SPRED2: variants seen among roughly 807,000 people sequenced by gnomAD.
SPRED2 encodes the protein sprouty-related, EVH1 domain-containing protein 2.
SPRED2 carries 47 observed loss-of-function variants against 43.0 expected under a neutral mutation model. The observed-to-expected ratio is 1.09, with a 90% CI of 0.87 to 1.40. The LOEUF (loss-of-function observed/expected upper bound fraction) is 1.40, where lower values mean the gene tolerates loss of function less well. SPRED2 is among the 40% of genes most tolerant of loss of function. SPRED2 has a pLI of 0.00. For synonymous variants in SPRED2, 225 were observed against 225.7 expected (o/e 1.00, Z 0.03); for missense variants, 561 against 586.4 (o/e 0.96, Z 0.45).
At chr2:65,327,122 C>T (rs1438387180) in intron 4 of SPRED2, among the ~76,000 whole-genome samples, 5 of 152,148 alleles carry the variant, frequency 3.3e-5, no homozygotes, top group African/African-American at 1.2e-4. Flanking sequence ...TCCCGAAGTG[C>T]TGGGATTACA....
intron 4 of SPRED2, among the ~76,000 whole-genome samples, chr2:65,327,935 G>T (rs6714675): frequency 0.58 from 87,966 of 151,088 alleles, 25,839 homozygotes; most frequent in East Asian, 0.84. Flanking sequence ...TGTTGGCCAG[G>T]CTGGTCTTGA....
At chr2:65,322,823 T>C (rs141117955) in intron 4 of SPRED2, among the ~76,000 whole-genome samples, 25 of 152,344 alleles carry the variant, frequency 1.6e-4, no homozygotes, top group African/African-American at 2.6e-4. Flanking sequence ...TTTCACCAGA[T>C]ATTAGATGTT....
chr2:65,361,667 G>T lies in SPRED2; in HGVS notation c.27-16771C>A, dbSNP rs78345662. ...ACAGTTCCATTTCTTCTACATGGGG[G>T]TTAAGCGATGTTTTTTAATATTACT... On this transcript the variant is annotated intron_variant, in intron 1 of 5. Coordinates refer to ENST00000356388, the MANE Select transcript of SPRED2 (RefSeq NM_181784.3). 3.3e-3 allele frequency among the ~76,000 whole-genome samples: 504 copies of T among 152,330 alleles called. 3 individuals carry two copies. Among genetic ancestry groups the T allele is most frequent in the African/African-American group, 0.011 (467 of 41,568 alleles).
chr2:65,366,598 C>T (rs777394082), intron 1 of SPRED2: 21 of 1,553,510 alleles, frequency 1.4e-5, no homozygotes, highest in South Asian at 1.1e-4. Flanking sequence ...ACCTGCCAGG[C>T]GATGCCATTT....
rs11335406 is a variant in SPRED2 at position 65,389,243 on chromosome 2, C to CTTTT, written c.26+42715_26+42718dup. On this transcript the variant is annotated intron_variant, in intron 1 of 5. Transcript: ENST00000356388. ...ACAGCAATACAAAGACATGCTCAACCTTTTTTTTTTTTTTTTTTAAGGGAA... is the reference window on the plus strand; with the variant it reads ...ACAGCAATACAAAGACATGCTCAACCTTTTTTTTTTTTTTTTTTTTTTAAGGGAA... Among the ~76,000 whole-genome samples the CTTTT allele has an allele frequency of 9.8e-4, 137 of 140,188 alleles. 1 individual carries two copies. The highest frequency in any genetic ancestry group is 3.7e-3 in the Middle Eastern group (1 of 270). The allele number at this position is 140,188 out of a possible 152,430, so 92.0% of individuals were successfully genotyped here. A position where few individuals can be genotyped will look rare whatever the true frequency, so the allele number is the denominator to read the frequency against.
chr2:65,324,921 C>A (rs1399873253), intron 4 of SPRED2, among the ~76,000 whole-genome samples: 1 of 152,168 alleles, frequency 6.6e-6, no homozygotes, highest in African/African-American at 2.4e-5. Flanking sequence ...TCCTGCTAAA[C>A]CTTTGCTTTC....
intron 1 of SPRED2, among the ~76,000 whole-genome samples, chr2:65,423,772 C>CTTTTT (rs11306222): frequency 2.1e-5 from 3 of 143,742 alleles, no homozygotes; most frequent in Non-Finnish European, 3.0e-5. Context: ...CTCATTTATG[C>CTTTTT]TTTTTTTTTT....
At chr2:65,340,658 G>A (rs1674149385) in intron 2 of SPRED2, among the ~76,000 whole-genome samples, 1 of 152,142 alleles carries the variant, frequency 6.6e-6, no homozygotes. Context: ...CTGACTACTC[G>A]TGAATGGTTG....
Position 65,432,099 on chromosome 2 carries a change from G to T in SPRED2, c.-112C>A. On this transcript the variant is annotated 5_prime_UTR_variant, in exon 1 of 6. Coordinates refer to ENST00000356388, the MANE Select transcript of SPRED2 (RefSeq NM_181784.3). ...CCGGAGATCGCCTGATTTGGGGAGGGGGGGCGGCTAGAGATGAAGAGGGCG... is the reference window on the plus strand; with the variant it reads ...CCGGAGATCGCCTGATTTGGGGAGGTGGGGCGGCTAGAGATGAAGAGGGCG... 1.4e-6 allele frequency: 2 copies of T among 1,421,986 alleles called. No individual in the cohort carries two copies. The highest frequency in any genetic ancestry group is 2.0e-6 in the Non-Finnish European group (2 of 1,024,188). 88.1% of individuals were successfully genotyped at this position (1,421,986 alleles called of 1,614,324 possible). A position where few individuals can be genotyped will look rare whatever the true frequency, so the allele number is the denominator to read the frequency against.
At chr2:65,342,805 A>G (rs10188563) in intron 2 of SPRED2, among the ~76,000 whole-genome samples, 102,681 of 152,062 alleles carry the variant, frequency 0.68, 35,530 homozygotes, top group African/African-American at 0.83. Context: ...CAAAATAAAT[A>G]AGATACACAA....
chr2:65,356,557 T>G lies in SPRED2; in HGVS notation c.27-11661A>C, dbSNP rs10206301. The stretch of plus-strand genomic sequence containing the variant: ...CCCTCTTTTTTTTTTTTTTTTTTTT[T>G]TGTGTGTGTGTACCTGCTATCTACC... On this transcript the variant is annotated intron_variant, in intron 1 of 5. Coordinates refer to ENST00000356388, the MANE Select transcript of SPRED2 (RefSeq NM_181784.3). 2.9e-3 allele frequency among the ~76,000 whole-genome samples: 356 copies of G among 122,626 alleles called. 1 individual carries two copies. Among genetic ancestry groups the G allele is most frequent in the Middle Eastern group, 4.3e-3 (1 of 230 alleles). 80.4% of individuals were successfully genotyped at this position (122,626 alleles called of 152,430 possible). A position where few individuals can be genotyped will look rare whatever the true frequency, so the allele number is the denominator to read the frequency against.
intron 2 of SPRED2, 107 bp downstream of exon 2, chr2:65,344,612 A>C: frequency 7.1e-7 from 1 of 1,416,054 alleles, no homozygotes; most frequent in Non-Finnish European, 9.8e-7. Context: ...AAGAGTTTGA[A>C]GTCAGAGAAA....
At chr2:65,418,625 C>G (rs1324344612) in intron 1 of SPRED2, among the ~76,000 whole-genome samples, 1 of 152,004 alleles carries the variant, frequency 6.6e-6, no homozygotes, top group Non-Finnish European at 1.5e-5. Flanking sequence ...ACGACCTTGG[C>G]TCACTGCAAC....
intron 1 of SPRED2, among the ~76,000 whole-genome samples, chr2:65,355,030 A>T (rs1465632817): frequency 6.6e-6 from 1 of 152,230 alleles, no homozygotes; most frequent in African/African-American, 2.4e-5. Flanking sequence ...CTGGCAGGAC[A>T]GGCATGGTAG....
In SPRED2 at chr2:65,339,106, G is replaced by GT. The variant is rs1171403277; in HGVS notation, c.205-4334_205-4333insA. ...CGTCCGGGAGGGAGGTTGGGCGGGGGGTCAGCGCCCCCTCCCGGCCAGCCG... is the reference window on the plus strand; with the variant it reads ...CGTCCGGGAGGGAGGTTGGGCGGGGGTGTCAGCGCCCCCTCCCGGCCAGCCG... On this transcript the variant is annotated intron_variant, in intron 2 of 5. Transcript: ENST00000356388. Among the ~76,000 whole-genome samples, 12 of 119,726 alleles carry GT rather than the reference G, an allele frequency of 1.0e-4. 1 individual carries two copies. Among genetic ancestry groups the GT allele is most frequent in the Non-Finnish European group, 1.9e-4 (11 of 57,002 alleles). 78.5% of individuals were successfully genotyped at this position (119,726 alleles called of 152,430 possible). A position where few individuals can be genotyped will look rare whatever the true frequency, so the allele number is the denominator to read the frequency against.
intron 1 of SPRED2, among the ~76,000 whole-genome samples, chr2:65,404,750 T>C (rs1027184737): frequency 1.4e-4 from 21 of 152,192 alleles, no homozygotes; most frequent in Non-Finnish European, 7.3e-5. Context: ...CAGGACTGGC[T>C]GTAGGTCTAT....
intron 1 of SPRED2, among the ~76,000 whole-genome samples, chr2:65,371,630 A>T (rs541799921): frequency 1.3e-5 from 2 of 152,292 alleles, no homozygotes; most frequent in East Asian, 3.9e-4. Flanking sequence ...TATGTTTCTT[A>T]AAGTGTAACG....
intron 1 of SPRED2, among the ~76,000 whole-genome samples, chr2:65,384,006 G>A (rs896568501): frequency 3.2e-4 from 48 of 152,186 alleles, no homozygotes; most frequent in Non-Finnish European, 6.8e-4. Context: ...GGTCTTTCTG[G>A]AAAGAGCCTT....
At position 65,326,621 on chromosome 2, in the gene SPRED2, TA is replaced by T. The variant is rs570966310; in HGVS notation, c.438+5365del. On this transcript the variant is annotated intron_variant, in intron 4 of 5. Transcript: ENST00000356388. ...AGGACATTATCCTCTCTCTAGGACC[TA>T]GAGGATTCTTTCATTGTGAAATTAA... 1.1e-4 allele frequency among the ~76,000 whole-genome samples: 16 copies of T among 152,296 alleles called. No homozygotes were observed. In the East Asian group the frequency reaches 3.1e-3, roughly 29 times the overall value.
Sources: allele counts gnomAD v4.1 joint callset (sites outside exome capture counted in the v4.1 genomes callset), GRCh38; gene constraint gnomAD v4.1.1; transcripts MANE v1.5; gene names NCBI Gene and HGNC (gene_info 2026-07-23, HGNC 2026-07-21).